HNMT: variants seen among roughly 807,000 people sequenced by gnomAD.
The protein encoded by HNMT is histamine N-methyltransferase.
HNMT carries 30 observed loss-of-function variants against 32.1 expected under a neutral mutation model. That is an observed-to-expected ratio of 0.93 (90% CI 0.70 to 1.27). HNMT has a LOEUF of 1.27. HNMT is among the 50% of genes most tolerant of loss of function. HNMT has a pLI of 0.00. For missense variants in HNMT, 327 were observed against 346.0 expected (o/e 0.95, Z 0.43); for synonymous variants, 125 against 119.0 (o/e 1.05, Z -0.33).
intron 4 of HNMT, 60 bp downstream of exon 4, chr2:138,002,254 A>G: frequency 8.5e-7 from 1 of 1,177,902 alleles, no homozygotes; most frequent in Non-Finnish European, 1.1e-6. Context: ...TATATATATA[A>G]TGAATATCTA....
intron 2 of HNMT, among the ~76,000 whole-genome samples, chr2:137,989,360 A>T (rs1680749682): frequency 6.6e-6 from 1 of 152,226 alleles, no homozygotes; most frequent in Non-Finnish European, 1.5e-5. Flanking sequence ...CCGTTCAGAT[A>T]GTAATATGCA....
chr2:138,009,092 T>C (rs975976863), intron 5 of HNMT, among the ~76,000 whole-genome samples: 1 of 151,988 alleles, frequency 6.6e-6, no homozygotes, highest in African/African-American at 2.4e-5. Flanking sequence ...GCAAAGGACA[T>C]GAATAAACAA....
At chr2:138,010,969 A>T (rs1681485210) in intron 5 of HNMT, among the ~76,000 whole-genome samples, 1 of 152,032 alleles carries the variant, frequency 6.6e-6, no homozygotes, top group African/African-American at 2.4e-5. Context: ...TCCTTACCTG[A>T]GTAAGGAAGG....
intron 2 of HNMT, among the ~76,000 whole-genome samples, chr2:137,983,069 T>C (rs1680551492): frequency 6.6e-6 from 1 of 152,180 alleles, no homozygotes; most frequent in Non-Finnish European, 1.5e-5. Context: ...TTTCCTATTA[T>C]CCCAAAGCCT....
At chr2:137,994,715 A>T (rs1259322684) in intron 2 of HNMT, among the ~76,000 whole-genome samples, 1 of 152,210 alleles carries the variant, frequency 6.6e-6, no homozygotes, top group Non-Finnish European at 1.5e-5. Context: ...AACAGAATAT[A>T]CATTCTTCGC....
chr2:137,968,066 G>C (rs983217713), intron 1 of HNMT, among the ~76,000 whole-genome samples: 6 of 152,120 alleles, frequency 3.9e-5, no homozygotes, highest in African/African-American at 1.2e-4. Context: ...TTTCCTGGGA[G>C]ATCCTCAGAT....
Position 138,014,002 on chromosome 2 carries a change from A to C in HNMT, c.751A>C (p.Asn251His). The change falls in exon 6 of 6, where the codon AAT (asparagine) becomes CAT (histidine). Residue 251 changes from asparagine (N) to histidine (H), a missense_variant. Transcript: ENST00000280097. ...TTTTTTGACTGAAACCTGCAACTTT[A>C]ATGCCACAGCACCACCTGATCTCAG... The part of the protein sequence containing the change: ...WDFLTETCNF[N>H]ATAPPDLRAE... 1.2e-6 allele frequency: 2 copies of C among 1,613,734 alleles called. No homozygotes were observed. The highest frequency in any genetic ancestry group is 1.7e-6 in the Non-Finnish European group (2 of 1,179,780).
rs1679892640 is a variant in HNMT at position 137,964,512 on chromosome 2, C to T, written c.21C>T (p.Ser7=). MASSMR[S]LFSDHGKYVE... ...CAAATATGGCATCTTCCATGAGGAG[C>T]TTGTTTTCTGACCACGGGAAATATG... The change falls in exon 1 of 6, where the codon AGC becomes AGT. Residue 7 remains serine, a synonymous_variant. Coordinates refer to ENST00000280097, the MANE Select transcript of HNMT (RefSeq NM_006895.3). 6.2e-7 allele frequency: 1 copy of T among 1,613,550 alleles called. No individual in the cohort carries two copies. The highest frequency in any genetic ancestry group is 8.5e-7 in the Non-Finnish European group (1 of 1,179,766).
At chr2:137,974,799 T>A (rs1462530291) in intron 2 of HNMT, among the ~76,000 whole-genome samples, 1 of 152,216 alleles carries the variant, frequency 6.6e-6, no homozygotes, top group Non-Finnish European at 1.5e-5. Flanking sequence ...TATAGATAAA[T>A]TTTTTAACCC....
At chr2:138,012,812 C>T (rs538281949) in intron 5 of HNMT, among the ~76,000 whole-genome samples, 7 of 152,158 alleles carry the variant, frequency 4.6e-5, no homozygotes, top group East Asian at 1.9e-4. Flanking sequence ...AAATTGTTGG[C>T]GAGCCCTGTT....
At chr2:137,983,896 T>A (rs1680575618) in intron 2 of HNMT, among the ~76,000 whole-genome samples, 1 of 152,226 alleles carries the variant, frequency 6.6e-6, no homozygotes, top group Non-Finnish European at 1.5e-5. Flanking sequence ...TTCCATTTGC[T>A]GCTTCTTAAT....
At position 138,002,059 on chromosome 2, in the gene HNMT, T is replaced by G; in HGVS notation, c.299-5T>G. 6.4e-7 allele frequency: 1 copy of G among 1,555,438 alleles called. No homozygotes were observed. The highest frequency in any genetic ancestry group is 2.0e-5 in the Admixed American group (1 of 50,340). On this transcript the variant is annotated splice_polypyrimidine_tract_variant and splice_region_variant and intron_variant, in intron 3 of 5. Transcript: ENST00000280097. ...ATGGTGTGTCACCTCTTCTCTGTATTTTAGAGCTTGTAGCCAAGACATCGA... is the reference window on the plus strand; with the variant it reads ...ATGGTGTGTCACCTCTTCTCTGTATGTTAGAGCTTGTAGCCAAGACATCGA...
chr2:138,001,065 C>A, intron 3 of HNMT, 40 bp downstream of exon 3: 2 of 1,018,380 alleles, frequency 2.0e-6, no homozygotes, highest in Non-Finnish European at 3.0e-6. Context: ...GATCCTATCC[C>A]AAAAGACTTA....
At chr2:137,966,347 T>C (rs1234326080) in intron 1 of HNMT, among the ~76,000 whole-genome samples, 5 of 152,170 alleles carry the variant, frequency 3.3e-5, no homozygotes, top group Admixed American at 2.6e-4. Flanking sequence ...CACTTTGAAA[T>C]CTTTTAGTTA....
At chr2:137,968,973 T>C (rs1435146790) in intron 1 of HNMT, among the ~76,000 whole-genome samples, 1 of 152,208 alleles carries the variant, frequency 6.6e-6, no homozygotes. Flanking sequence ...CAACAGACTC[T>C]AGATCTGCTT....
chr2:137,995,178 A>G (rs906075281), intron 2 of HNMT, among the ~76,000 whole-genome samples: 8 of 151,950 alleles, frequency 5.3e-5, no homozygotes, highest in African/African-American at 1.9e-4. Context: ...GAGAAGAATT[A>G]AAGGAGATAG....
chr2:138,004,971 CTA>C (rs1361446579), intron 4 of HNMT, among the ~76,000 whole-genome samples, 159 bp from the exon 5 acceptor site: 1 of 152,046 alleles, frequency 6.6e-6, no homozygotes, highest in Non-Finnish European at 1.5e-5. Context: ...CATTATTGTT[CTA>C]TGTCTTCATG....
intron 2 of HNMT, among the ~76,000 whole-genome samples, chr2:137,994,212 A>G (rs182161466): frequency 1.2e-3 from 190 of 152,362 alleles, no homozygotes; most frequent in African/African-American, 4.3e-3. Context: ...CCCAATTAAA[A>G]GACACAGTCT....
chr2:137,968,886 G>A lies in HNMT; in HGVS notation c.138-1279G>A, dbSNP rs536303586. The stretch of plus-strand genomic sequence containing the variant: ...TTTGTTTGCCATCCCAAAGTCCAAA[G>A]AAACAAACACCATCCTTTTCCCTTC... On this transcript the variant is annotated intron_variant, in intron 1 of 5. Transcript: ENST00000280097. Among the ~76,000 whole-genome samples, 4 of 152,226 alleles carry A rather than the reference G, an allele frequency of 2.6e-5. No homozygotes were observed. The East Asian group carries it at 7.7e-4, about 29-fold the overall frequency.
Sources: allele counts gnomAD v4.1 joint callset (sites outside exome capture counted in the v4.1 genomes callset), GRCh38; gene constraint gnomAD v4.1.1; transcripts MANE v1.5; gene names NCBI Gene and HGNC (gene_info 2026-07-23, HGNC 2026-07-21).